Variants in MYH13 observed in about 807,000 individuals in gnomAD.
The protein encoded by MYH13 is myosin-13.
A neutral mutation model predicts 232.1 loss-of-function variants in MYH13; 177 were observed. The observed-to-expected ratio is 0.76, with a 90% CI of 0.67 to 0.86. The LOEUF (loss-of-function observed/expected upper bound fraction) is 0.86. Ranked by LOEUF, MYH13 falls within the 40% of genes least tolerant of loss-of-function variation. MYH13 has a pLI of 0.00. For missense variants in MYH13, 2,246 were observed against 2,405.9 expected (o/e 0.93, Z 1.39); for synonymous variants, 884 against 923.5 (o/e 0.96, Z 0.78).
intron 13 of MYH13, among the ~76,000 whole-genome samples, 152 bp from the exon 14 acceptor site, chr17:10,345,768 G>A (rs1260653912): frequency 6.6e-6 from 1 of 152,110 alleles, no homozygotes; most frequent in Non-Finnish European, 1.5e-5. Flanking sequence ...GCCAAGGCGG[G>A]CGGATCACGA....
chr17:10,321,675 C>CAAT lies in MYH13; in HGVS notation c.2967_2968insATT (p.Leu989_Glu990insIle). On this transcript the variant is annotated inframe_insertion, in exon 24 of 41. Transcript: ENST00000252172. ...TTGGTCAATTTGGAAATGTTTTCTT[C>CAAT]AAGTGCTGTCATTTCTTCGGAAAGA... The CAAT allele has an allele frequency of 6.2e-7, 1 of 1,613,414 alleles. No individual in the cohort carries two copies.
At chr17:10,323,931 G>T in intron 23 of MYH13, 91 bp downstream of exon 23, 1 of 1,513,852 alleles carries the variant, frequency 6.6e-7, no homozygotes, top group South Asian at 1.3e-5. Flanking sequence ...ATGTTATATT[G>T]ACTGGACTCC....
intron 27 of MYH13, among the ~76,000 whole-genome samples, chr17:10,316,606 G>A (rs1334460127): frequency 6.6e-6 from 1 of 152,194 alleles, no homozygotes; most frequent in Admixed American, 6.5e-5. Context: ...GGATCCTCTT[G>A]TAATATAAGT....
intron 21 of MYH13, among the ~76,000 whole-genome samples, chr17:10,329,089 C>T (rs1597380193): frequency 6.6e-6 from 1 of 152,186 alleles, no homozygotes. Flanking sequence ...TGAACACTGG[C>T]TTCTCTTTCC....
In MYH13 at chr17:10,303,420, G is replaced by A. The variant is rs559233974; in HGVS notation, c.5545C>T (p.Arg1849Cys). 1.3e-5 allele frequency: 21 copies of A among 1,613,818 alleles called. No individual in the cohort carries two copies. Among genetic ancestry groups the A allele is most frequent in the Middle Eastern group, 1.6e-4 (1 of 6,084 alleles). The change falls in exon 38 of 41, where the codon CGC becomes TGC. Residue 1849 changes from arginine (R) to cysteine (C), a missense_variant. Physicochemically the swap from Arg to Cys is radical, Grantham distance 180. Transcript: ENST00000252172. ...EALKGAHKYE[R>C]KVKEMTYQAE... ...TGGTAAGTCATCTCCTTGACTTTGC[G>A]TTCGTACTTGTGGGCTCCCTTCAGG... is the stretch of plus-strand genomic sequence containing the variant.
intron 29 of MYH13, 83 bp downstream of exon 29, chr17:10,315,610 T>C: frequency 2.4e-6 from 3 of 1,241,714 alleles, no homozygotes; most frequent in Non-Finnish European, 3.4e-6. Context: ...GATTTCTTGA[T>C]GTAGCACTGC....
At chr17:10,330,655 C>T (rs1597380863) in intron 20 of MYH13, 132 bp from the exon 21 acceptor site, 2 of 1,284,886 alleles carry the variant, frequency 1.6e-6, no homozygotes, top group East Asian at 2.5e-5. Flanking sequence ...ATTCTGTTTC[C>T]AGGACTTGCT....
At chr17:10,350,145 T>C (rs2071697817) in intron 12 of MYH13, among the ~76,000 whole-genome samples, 1 of 152,098 alleles carries the variant, frequency 6.6e-6, no homozygotes, top group African/African-American at 2.4e-5. Flanking sequence ...GTGGAGGCGA[T>C]GGGAGGAACA....
At chr17:10,322,785 C>T (rs1397903259) in intron 23 of MYH13, among the ~76,000 whole-genome samples, 3 of 152,038 alleles carry the variant, frequency 2.0e-5, no homozygotes, top group African/African-American at 4.8e-5. Flanking sequence ...AGGCGTCCGC[C>T]ACCACGCCCG....
chr17:10,310,179 C>CCCCT (rs969274116), intron 33 of MYH13, among the ~76,000 whole-genome samples: 7 of 151,744 alleles, frequency 4.6e-5, no homozygotes, highest in African/African-American at 1.7e-4. Context: ...CAACCTCCAC[C>CCCCT]CCCTGGGTTC....
chr17:10,325,833 T>A (rs7342842), intron 22 of MYH13, among the ~76,000 whole-genome samples: 1 of 151,736 alleles, frequency 6.6e-6, no homozygotes, highest in South Asian at 2.1e-4. Flanking sequence ...CCCACCACCA[T>A]GCCCAGCTAA....
intron 18 of MYH13, among the ~76,000 whole-genome samples, chr17:10,335,389 A>G (rs1243892000): frequency 6.6e-6 from 1 of 152,204 alleles, no homozygotes; most frequent in Non-Finnish European, 1.5e-5. Context: ...CGTGGTCCCA[A>G]GCATTTCAGA....
At chr17:10,332,544 G>A (rs1040534513) in intron 19 of MYH13, among the ~76,000 whole-genome samples, 1 of 152,188 alleles carries the variant, frequency 6.6e-6, no homozygotes, top group Non-Finnish European at 1.5e-5. Context: ...CCTGTAGGCC[G>A]TGGTTCTCCT....
chr17:10,357,149 A>G (rs966232498), intron 8 of MYH13, among the ~76,000 whole-genome samples: 1 of 151,850 alleles, frequency 6.6e-6, no homozygotes, highest in Non-Finnish European at 1.5e-5. Context: ...TTTAGTAGAG[A>G]TGGGGTTTCG....
chr17:10,357,649 C>T, intron 8 of MYH13, 86 bp downstream of exon 8: 1 of 1,220,026 alleles, frequency 8.2e-7, no homozygotes, highest in Non-Finnish European at 1.2e-6. Context: ...CCATATATTC[C>T]AGTTTATGGG....
At position 10,346,745 on chromosome 17, in the gene MYH13, C is replaced by T. The variant is rs1567668796; in HGVS notation, c.1198G>A (p.Gly400Ser). The part of the protein sequence containing the change: ...MGLNSAEMLK[G>S]LCCPRVKVGN... ...ACCTTCACCCTTGGACAGCACAGGC[C>T]CTTCAGCATTTCTGCAGAATTCAGT... Residue 400 changes from glycine to serine, a missense_variant, in exon 13 of 41, where the codon GGC becomes AGC. Transcript: ENST00000252172. The T allele has an allele frequency of 1.2e-6, 2 of 1,613,856 alleles. No homozygotes were observed. Among genetic ancestry groups the T allele is most frequent in the African/African-American group, 1.3e-5 (1 of 74,916 alleles).
intron 22 of MYH13, among the ~76,000 whole-genome samples, chr17:10,326,992 T>TG (rs1907228674): frequency 3.5e-5 from 1 of 28,344 alleles, no homozygotes; most frequent in Non-Finnish European, 7.5e-5. Context: ...TTTTTTTTTT[T>TG]TTTTTTTTTT....
chr17:10,322,920 AC>A (rs1184135790), intron 23 of MYH13, among the ~76,000 whole-genome samples: 2 of 152,164 alleles, frequency 1.3e-5, no homozygotes, highest in Non-Finnish European at 2.9e-5. Flanking sequence ...GGCATAAGCC[AC>A]CGCACCTGGC....
At chr17:10,368,312 G>A (rs1381959397) in intron 2 of MYH13, among the ~76,000 whole-genome samples, 3 of 152,068 alleles carry the variant, frequency 2.0e-5, no homozygotes, top group East Asian at 3.8e-4. Flanking sequence ...TTTTTTCCTC[G>A]AGACGACAAC....
Sources: gnomAD v4.1 joint callset for allele counts (sites outside exome capture counted in the v4.1 genomes callset) on GRCh38, gnomAD v4.1.1 for gene constraint, MANE v1.5 for transcripts, NCBI Gene and HGNC (gene_info 2026-07-23, HGNC 2026-07-21) for gene names.